The following PRIMA1 variants were observed in gnomAD, a reference collection of about 807,000 sequenced individuals.
PRIMA1 encodes proline rich membrane anchor 1.
Under a neutral mutation model 17.5 loss-of-function variants are expected in PRIMA1, and 7 were observed. That is an observed-to-expected ratio of 0.40 (90% CI 0.23 to 0.75). The LOEUF is 0.75. PRIMA1 is among the 30% of genes least tolerant of loss of function. The pLI, the probability that PRIMA1 is intolerant of heterozygous loss-of-function variation, is 0.37. For missense variants in PRIMA1, 200 were observed against 201.8 expected (o/e 0.99, Z 0.05); for synonymous variants, 97 against 77.9 (o/e 1.25, Z -1.29).
intron 3 of PRIMA1, among the ~76,000 whole-genome samples, chr14:93,758,006 C>T (rs2076302513): frequency 6.6e-6 from 1 of 152,196 alleles, no homozygotes; most frequent in African/African-American, 2.4e-5. Flanking sequence ...GGCAGAACTT[C>T]CTTTGTGAGG....
chr14:93,759,590 A>G (rs1332683467), intron 3 of PRIMA1, among the ~76,000 whole-genome samples: 1 of 152,156 alleles, frequency 6.6e-6, no homozygotes, highest in Non-Finnish European at 1.5e-5. Flanking sequence ...AAAAGAGAGC[A>G]TGACGGAGAG....
At chr14:93,739,884 A>G (rs1456458799) in intron 3 of PRIMA1, among the ~76,000 whole-genome samples, 3 of 152,022 alleles carry the variant, frequency 2.0e-5, no homozygotes, top group Non-Finnish European at 4.4e-5. Context: ...TGACCAACAT[A>G]GTGAAACCCC....
At chr14:93,788,820 A>C (rs907511235), upstream of PRIMA1, among the ~76,000 whole-genome samples, 2 of 151,316 alleles carry the variant, frequency 1.3e-5, no homozygotes, top group African/African-American at 4.9e-5. Context: ...AGTCTCCTCC[A>C]CGCCGCCTGG....
chr14:93,732,015 T>C (rs2076117929), intron 4 of PRIMA1, among the ~76,000 whole-genome samples: 2 of 152,212 alleles, frequency 1.3e-5, no homozygotes, highest in African/African-American at 4.8e-5. Flanking sequence ...TTGCTTAAGG[T>C]CAGCAATTAA....
At chr14:93,766,607 C>G (rs10138602) in intron 3 of PRIMA1, among the ~76,000 whole-genome samples, 1 of 152,114 alleles carries the variant, frequency 6.6e-6, no homozygotes, top group South Asian at 2.1e-4. Flanking sequence ...CTCTAGTCAT[C>G]ACTGCATCCT....
At chr14:93,721,909 C>A (rs1437718136) in intron 4 of PRIMA1, among the ~76,000 whole-genome samples, 1 of 152,204 alleles carries the variant, frequency 6.6e-6, no homozygotes, top group Non-Finnish European at 1.5e-5. Flanking sequence ...TCGATCAGGG[C>A]AGAGACAGTT....
intron 3 of PRIMA1, among the ~76,000 whole-genome samples, chr14:93,763,288 C>T (rs368094923): frequency 1.4e-4 from 22 of 152,194 alleles, no homozygotes; most frequent in African/African-American, 4.8e-4. Flanking sequence ...TCTAAACCCC[C>T]GATCAGTGCA....
intron 3 of PRIMA1, among the ~76,000 whole-genome samples, chr14:93,750,012 C>T (rs1295393366): frequency 6.6e-6 from 1 of 152,168 alleles, no homozygotes; most frequent in African/African-American, 2.4e-5. Flanking sequence ...GAAACCCTAT[C>T]TCTACTAAAA....
intron 3 of PRIMA1, among the ~76,000 whole-genome samples, chr14:93,742,126 G>A (rs1271793574): frequency 6.6e-6 from 1 of 152,164 alleles, no homozygotes; most frequent in Non-Finnish European, 1.5e-5. Context: ...CTGCCCTCCT[G>A]TCTGAAACAT....
Position 93,721,379 on chromosome 14 carries a change from G to A in PRIMA1, c.*65C>T, listed in dbSNP as rs2076036646. The A allele has an allele frequency of 1.2e-5, 13 of 1,065,624 alleles. No homozygotes were observed. Among genetic ancestry groups the A allele is most frequent in the Non-Finnish European group, 1.9e-5 (13 of 692,566 alleles). 66.0% of individuals were successfully genotyped at this position (1,065,624 alleles called of 1,614,324 possible). A position where few individuals can be genotyped will look rare whatever the true frequency, so the allele number is the denominator to read the frequency against. On this transcript the variant is annotated 3_prime_UTR_variant, in exon 5 of 5. Transcript: ENST00000393140. ...GCTCAGGGTTAGCTCATGTCCACCT[G>A]CTTTCCCATGTCCACCAGTGCCACC...
chr14:93,727,849 A>G lies in PRIMA1; in HGVS notation c.360-6303T>C, dbSNP rs76970040. Among the ~76,000 whole-genome samples, 263 of 151,674 alleles carry G rather than the reference A, an allele frequency of 1.7e-3. 3 individuals are homozygous for G. In the East Asian group the frequency reaches 0.035, roughly 20 times the overall value. On this transcript the variant is annotated intron_variant, in intron 4 of 4. Transcript: ENST00000393140. ...GCCTTCATTGGTAATGGGAATACAC[A>G]AAGCCATCTGTTCTTCCTAGAGGCT... is the stretch of plus-strand genomic sequence containing the variant.
rs139026635 is a variant in PRIMA1, at chr14:93,749,021, C to T, written c.230-11651G>A. ...CGCTTCTGGTAGCGACTGGAGAACA[C>T]GTCCCCCTTGTTTTTGCCCAAATAG... is the stretch of plus-strand genomic sequence containing the variant. On this transcript the variant is annotated intron_variant, in intron 3 of 4. Coordinates refer to ENST00000393140, the MANE Select transcript of PRIMA1 (RefSeq NM_178013.4). Among the ~76,000 whole-genome samples the T allele has an allele frequency of 1.0e-3, 152 of 152,230 alleles. 1 individual carries two copies. Among genetic ancestry groups the T allele is most frequent in the Middle Eastern group, 6.8e-3 (2 of 294 alleles).
At chr14:93,733,302 G>A (rs1170814078) in intron 4 of PRIMA1, among the ~76,000 whole-genome samples, 1 of 146,478 alleles carries the variant, frequency 6.8e-6, no homozygotes, top group Non-Finnish European at 1.5e-5. Context: ...GGTGGGACTT[G>A]GTGAAGGCTT....
At chr14:93,755,932 C>T (rs996331507) in intron 3 of PRIMA1, among the ~76,000 whole-genome samples, 5 of 152,170 alleles carry the variant, frequency 3.3e-5, no homozygotes, top group South Asian at 2.1e-4. Context: ...CCAGCGGTTC[C>T]GTGGCCCTAC....
rs1162266019 is a variant in PRIMA1 at position 93,726,120 on chromosome 14, G to A, written c.360-4574C>T. ...CTTCTTGTCCCCTGCCCTGGGCTTG[G>A]AGGGCAGCAGGCTCCCACATTCCCT... On this transcript the variant is annotated intron_variant, in intron 4 of 4. Transcript: ENST00000393140. The surrounding 1 kb of genome is among the most constrained non-coding windows in gnomAD (Gnocchi z 4.2). 17 of 451,652 alleles carry A rather than the reference G, an allele frequency of 3.8e-5. No homozygotes were observed. In the Admixed American group the frequency reaches 4.0e-4, roughly 11 times the overall value. The allele number at this position is 451,652 out of a possible 1,614,324, so 28.0% of individuals were successfully genotyped here.
chr14:93,721,511 A>G lies in PRIMA1; in HGVS notation c.395T>C (p.Val132Ala). The G allele has an allele frequency of 6.2e-7, 1 of 1,613,644 alleles. No homozygotes were observed. Among genetic ancestry groups the G allele is most frequent in the Non-Finnish European group, 8.5e-7 (1 of 1,179,832 alleles). Residue 132 changes from valine (V) to alanine (A), a missense_variant, in exon 5 of 5, where the codon GTT becomes GCT. Val to Ala is a moderately conservative substitution (Grantham distance 64, BLOSUM62 0). Transcript: ENST00000393140. ...PLRKDENGTS[V>A]AEYPMSASQS... ...CGAAGCACTCATGGGATACTCAGCA[A>G]CGCTGGTGCCATTTTCGTCTTTTCT...
intron 4 of PRIMA1, among the ~76,000 whole-genome samples, chr14:93,725,457 A>AC (rs1017191128): frequency 6.6e-6 from 1 of 151,248 alleles, no homozygotes; most frequent in Non-Finnish European, 1.5e-5. Flanking sequence ...CCACCTCTGC[A>AC]CCCCCCCAAC....
chr14:93,753,724 G>A (rs2076274314), intron 3 of PRIMA1, among the ~76,000 whole-genome samples: 1 of 152,200 alleles, frequency 6.6e-6, no homozygotes, highest in Admixed American at 6.5e-5. Flanking sequence ...GTGGAGAGAT[G>A]ATGCTGCCCC....
chr14:93,752,242 A>G (rs1479340801), intron 3 of PRIMA1, among the ~76,000 whole-genome samples: 2 of 152,186 alleles, frequency 1.3e-5, no homozygotes, highest in Non-Finnish European at 1.5e-5. Flanking sequence ...GGCAGGTATC[A>G]TTAGAACTAT....
Sources: allele counts gnomAD v4.1 joint callset (sites outside exome capture counted in the v4.1 genomes callset), GRCh38; gene constraint gnomAD v4.1.1; non-coding constraint Gnocchi (gnomAD v3.1); transcripts MANE v1.5; gene names NCBI Gene and HGNC (gene_info 2026-07-23, HGNC 2026-07-21).